Variants in CADM1 observed in about 807,000 individuals in gnomAD.
The protein encoded by CADM1 is cell adhesion molecule 1, also known as TSLC-1.
A neutral mutation model predicts 53.1 loss-of-function variants in CADM1; 15 were observed. The ratio of observed to expected loss-of-function variants is 0.28; its 90% CI spans 0.19 to 0.44. The LOEUF (loss-of-function observed/expected upper bound fraction) is 0.44, where lower values mean the gene tolerates loss of function less well. Among genes scored for constraint, CADM1 ranks in the 20% least tolerant of loss-of-function variants. The pLI is 1.00. For missense variants in CADM1, 434 were observed against 611.3 expected, an observed-to-expected ratio of 0.71 and a Z score of 3.06; for synonymous variants, 281 against 243.0, an observed-to-expected ratio of 1.16 and a Z score of -1.45.
At chr11:115,261,958 T>C (rs1942987530) in intron 1 of CADM1, among the ~76,000 whole-genome samples, 1 of 152,094 alleles carries the variant, frequency 6.6e-6, no homozygotes, top group Non-Finnish European at 1.5e-5. Context: ...TTTTTGTATT[T>C]TTAGTAGAGA....
chr11:115,261,469 C>T lies in CADM1; in HGVS notation c.125-21049G>A, dbSNP rs572762678. Among the ~76,000 whole-genome samples the T allele has an allele frequency of 8.4e-4, 128 of 152,332 alleles. 1 individual carries two copies. The highest frequency in any genetic ancestry group is 2.3e-3 in the Admixed American group (35 of 15,310). On this transcript the variant is annotated intron_variant, in intron 1 of 11. Coordinates refer to ENST00000331581, the MANE Select transcript of CADM1 (RefSeq NM_001301043.2). ...AACAAAGTAGTATAAACAAATCCCA[C>T]AATCCCATAACTCTGAGATAAGGAT...
At chr11:115,381,915 G>A (rs183679230) in intron 1 of CADM1, among the ~76,000 whole-genome samples, 43 of 152,020 alleles carry the variant, frequency 2.8e-4, no homozygotes, top group Admixed American at 5.2e-4. Context: ...GCCCGATCTC[G>A]GCTCACTGCA....
At chr11:115,257,916 G>A (rs1053011778) in intron 1 of CADM1, among the ~76,000 whole-genome samples, 10 of 152,196 alleles carry the variant, frequency 6.6e-5, no homozygotes, top group African/African-American at 9.7e-5. Flanking sequence ...GGGCCCAGGC[G>A]TTTGCATGCC....
At chr11:115,382,167 T>C (rs574291949) in intron 1 of CADM1, among the ~76,000 whole-genome samples, 1 of 152,270 alleles carries the variant, frequency 6.6e-6, no homozygotes, top group African/African-American at 2.4e-5. Flanking sequence ...TTAATGTAAA[T>C]ATTAATATGT....
chr11:115,437,440 C>T (rs568136162), intron 1 of CADM1, among the ~76,000 whole-genome samples: 2 of 152,264 alleles, frequency 1.3e-5, no homozygotes, highest in African/African-American at 4.8e-5. Context: ...CCAAAAACTG[C>T]CAGTTGTTTC....
intron 1 of CADM1, among the ~76,000 whole-genome samples, chr11:115,389,239 G>T (rs1055692511): frequency 3.9e-5 from 6 of 152,114 alleles, no homozygotes; most frequent in African/African-American, 1.4e-4. Flanking sequence ...GGTATACATT[G>T]TACTATTTTT....
intron 1 of CADM1, among the ~76,000 whole-genome samples, chr11:115,475,215 A>G (rs1481414397): frequency 1.3e-5 from 2 of 152,196 alleles, no homozygotes; most frequent in East Asian, 1.9e-4. Flanking sequence ...TAAATGCTAT[A>G]TAGTTGTTAT....
At chr11:115,454,187 G>C (rs10891856) in intron 1 of CADM1, among the ~76,000 whole-genome samples, 13,022 of 152,188 alleles carry the variant, frequency 0.086, 1,386 homozygotes, top group East Asian at 0.46. Context: ...AACTTGAAGG[G>C]AGCTCTTGCA....
At chr11:115,438,699 T>G (rs1209670295) in intron 1 of CADM1, among the ~76,000 whole-genome samples, 1 of 151,590 alleles carries the variant, frequency 6.6e-6, no homozygotes, top group Non-Finnish European at 1.5e-5. Context: ...GTTAGAGAAC[T>G]TTTACATAAT....
At chr11:115,339,791 T>C (rs983913952) in intron 1 of CADM1, among the ~76,000 whole-genome samples, 1 of 152,178 alleles carries the variant, frequency 6.6e-6, no homozygotes, top group Non-Finnish European at 1.5e-5. Flanking sequence ...GTGTATTTCC[T>C]TTTAATTTAT....
At chr11:115,222,596 A>T (rs1184700605) in intron 5 of CADM1, among the ~76,000 whole-genome samples, 2 of 146,258 alleles carry the variant, frequency 1.4e-5, no homozygotes, top group African/African-American at 4.9e-5. Flanking sequence ...ATCTGTTGTT[A>T]TGACTCATAG....
chr11:115,306,072 C>CCACACACACACACACACACACACA (rs6144515), intron 1 of CADM1, among the ~76,000 whole-genome samples: 3,740 of 130,368 alleles, frequency 0.029, 145 homozygotes, highest in Admixed American at 0.046. Context: ...AGGATATATA[C>CCACACACACACACACACACACACA]CACACACACA....
At chr11:115,406,091 A>G (rs1947305755) in intron 1 of CADM1, among the ~76,000 whole-genome samples, 1 of 152,096 alleles carries the variant, frequency 6.6e-6, no homozygotes, top group Non-Finnish European at 1.5e-5. Context: ...TGGTTTCTTC[A>G]GTTTTCTCAT....
At chr11:115,313,048 T>C (rs1007717035) in intron 1 of CADM1, among the ~76,000 whole-genome samples, 4 of 152,278 alleles carry the variant, frequency 2.6e-5, no homozygotes, top group Non-Finnish European at 5.9e-5. Context: ...AGCAATAATA[T>C]TGGCAACAAT....
At chr11:115,214,841 C>T (rs763771913) in intron 6 of CADM1, 61 bp from the exon 7 acceptor site, 7 of 1,484,154 alleles carry the variant, frequency 4.7e-6, no homozygotes, top group Non-Finnish European at 6.6e-6. Context: ...TCAAACTGCT[C>T]ACCCACATGC....
intron 5 of CADM1, among the ~76,000 whole-genome samples, chr11:115,225,145 C>T (rs1319006907): frequency 2.0e-5 from 3 of 152,158 alleles, no homozygotes; most frequent in Non-Finnish European, 4.4e-5. Context: ...AAGAGACCTA[C>T]TGTATGTTCT....
chr11:115,284,315 A>G (rs915048759), intron 1 of CADM1, among the ~76,000 whole-genome samples: 9 of 152,180 alleles, frequency 5.9e-5, no homozygotes, highest in Non-Finnish European at 1.3e-4. Flanking sequence ...TTTTAATACT[A>G]CTACTGTCGA....
intron 1 of CADM1, among the ~76,000 whole-genome samples, chr11:115,325,932 C>T (rs1003418244): frequency 1.3e-5 from 2 of 152,292 alleles, no homozygotes; most frequent in South Asian, 2.1e-4. Context: ...CAGTTTAAAC[C>T]GTTGGCACCT....
At chr11:115,481,992 G>A (rs1460640411) in intron 1 of CADM1, among the ~76,000 whole-genome samples, 1 of 152,124 alleles carries the variant, frequency 6.6e-6, no homozygotes, top group East Asian at 1.9e-4. Context: ...GGTCCTGTAT[G>A]ATTTGACAAT....
Sources: gnomAD v4.1 joint callset for allele counts (sites outside exome capture counted in the v4.1 genomes callset) on GRCh38, gnomAD v4.1.1 for gene constraint, MANE v1.5 for transcripts, NCBI Gene and HGNC (gene_info 2026-07-23, HGNC 2026-07-21) for gene names.